Variants in NRCAM observed in about 807,000 individuals in gnomAD.
The protein encoded by NRCAM is NgCAM-related cell adhesion molecule.
NRCAM carries 83 observed loss-of-function variants against 156.5 expected under a neutral mutation model. That is an observed-to-expected ratio of 0.53 (90% CI 0.44 to 0.64). NRCAM has a LOEUF of 0.64. NRCAM is among the 30% of genes least tolerant of loss of function. NRCAM has a pLI of 0.00. For missense variants in NRCAM, 1,417 were observed against 1,597.3 expected (o/e 0.89, Z 1.92); for synonymous variants, 538 against 563.9 (o/e 0.95, Z 0.65).
At chr7:108,438,718 G>A (rs374415080) in intron 1 of NRCAM, among the ~76,000 whole-genome samples, 1 of 152,074 alleles carries the variant, frequency 6.6e-6, no homozygotes, top group Non-Finnish European at 1.5e-5. Flanking sequence ...TCTTTATTCA[G>A]AGATGACACA....
chr7:108,225,367 C>T (rs544349191), intron 10 of NRCAM, among the ~76,000 whole-genome samples: 2 of 152,244 alleles, frequency 1.3e-5, no homozygotes, highest in East Asian at 3.9e-4. Context: ...TAATTCTGAA[C>T]GTACGTGAAA....
chr7:108,347,931 C>T (rs930031650), intron 2 of NRCAM, among the ~76,000 whole-genome samples: 4 of 152,130 alleles, frequency 2.6e-5, no homozygotes, highest in African/African-American at 9.7e-5. Flanking sequence ...CTCCTCTCCA[C>T]CCCCATACTC....
intron 11 of NRCAM, among the ~76,000 whole-genome samples, chr7:108,214,595 T>C (rs2086800402): frequency 6.6e-6 from 1 of 152,212 alleles, no homozygotes; most frequent in Admixed American, 6.5e-5. Flanking sequence ...TTCATGTCTC[T>C]ATCGCCTTTA....
chr7:108,150,656 T>C (rs2040873107), intron 32 of NRCAM: 2 of 509,070 alleles, frequency 3.9e-6, no homozygotes, highest in African/African-American at 4.0e-5. Flanking sequence ...CAAATAATTT[T>C]GTTATCAATG....
intron 3 of NRCAM, among the ~76,000 whole-genome samples, chr7:108,301,624 C>G (rs1228332083): frequency 6.6e-6 from 1 of 152,104 alleles, no homozygotes; most frequent in Admixed American, 6.5e-5. Context: ...TTTGCTTATC[C>G]TATGGACATG....
At chr7:108,288,570 C>T (rs578097769) in intron 3 of NRCAM, among the ~76,000 whole-genome samples, 37 of 152,192 alleles carry the variant, frequency 2.4e-4, no homozygotes, top group African/African-American at 7.2e-4. Context: ...TCAATTCATA[C>T]GTTATTGCAT....
At chr7:108,296,111 C>T (rs1240666392) in intron 3 of NRCAM, among the ~76,000 whole-genome samples, 1 of 152,234 alleles carries the variant, frequency 6.6e-6, no homozygotes, top group African/African-American at 2.4e-5. Flanking sequence ...CTTTCACACA[C>T]TCCACAGTCT....
At chr7:108,372,025 G>A (rs1400906724) in intron 2 of NRCAM, among the ~76,000 whole-genome samples, 2 of 152,130 alleles carry the variant, frequency 1.3e-5, no homozygotes, top group Admixed American at 1.3e-4. Flanking sequence ...AATACATATA[G>A]GCCAATAGAA....
intron 2 of NRCAM, among the ~76,000 whole-genome samples, chr7:108,315,788 C>G (rs1272573830): frequency 6.6e-6 from 1 of 152,192 alleles, no homozygotes; most frequent in Non-Finnish European, 1.5e-5. Context: ...CAATGTGGAT[C>G]ATGCTTTACC....
chr7:108,429,992 G>T (rs1822863898), intron 1 of NRCAM, among the ~76,000 whole-genome samples: 1 of 152,166 alleles, frequency 6.6e-6, no homozygotes, highest in Non-Finnish European at 1.5e-5. Context: ...GGGAAAGAAG[G>T]TTCCAGACAC....
At chr7:108,190,226 A>G (rs1333582785) in intron 19 of NRCAM, among the ~76,000 whole-genome samples, 2 of 152,242 alleles carry the variant, frequency 1.3e-5, no homozygotes, top group African/African-American at 4.8e-5. Flanking sequence ...AAGAATATTT[A>G]TATTTGCGAA....
chr7:108,250,425 CAAAAA>C (rs34274206), intron 3 of NRCAM, among the ~76,000 whole-genome samples: 6 of 67,402 alleles, frequency 8.9e-5, no homozygotes, highest in Admixed American at 2.2e-4. Context: ...CATCTTACCT[CAAAAA>C]AAAAAAAAAA....
At chr7:108,271,693 C>CAA (rs200366639) in intron 3 of NRCAM, among the ~76,000 whole-genome samples, 8 of 126,454 alleles carry the variant, frequency 6.3e-5, no homozygotes, top group East Asian at 2.2e-4. Flanking sequence ...GACTCCACGT[C>CAA]AAAAAAAAAA....
At chr7:108,157,927 C>A (rs2046543710) in intron 32 of NRCAM, among the ~76,000 whole-genome samples, 1 of 152,004 alleles carries the variant, frequency 6.6e-6, no homozygotes, top group Non-Finnish European at 1.5e-5. Context: ...AAAGATTTTG[C>A]TTCATCACAA....
chr7:108,203,909 A>T (rs188389948), intron 13 of NRCAM, among the ~76,000 whole-genome samples: 165 of 152,318 alleles, frequency 1.1e-3, no homozygotes, highest in African/African-American at 3.8e-3. Flanking sequence ...CTAGGACCCC[A>T]TGATGAAGGC....
At chr7:108,201,493 A>G (rs1233345029) in intron 13 of NRCAM, among the ~76,000 whole-genome samples, 5 of 152,226 alleles carry the variant, frequency 3.3e-5, no homozygotes. Context: ...AGTTCTGAAG[A>G]TCTGTTGCAC....
Position 108,395,091 on chromosome 7 carries a change from C to T in NRCAM, c.-174+4345G>A, listed in dbSNP as rs114315851. Reference sequence around the variant, plus strand: ...TTAGGGCATGAATTAGAAATAAATCCCCAAGGGAAAATGAATTCAGCTTAT... The same window carrying T: ...TTAGGGCATGAATTAGAAATAAATCTCCAAGGGAAAATGAATTCAGCTTAT... On this transcript the variant is annotated intron_variant, in intron 2 of 32. Transcript: ENST00000379028. Among the ~76,000 whole-genome samples, 239 of 152,078 alleles carry T rather than the reference C, an allele frequency of 1.6e-3. 1 individual carries two copies. The highest frequency in any genetic ancestry group is 3.6e-3 in the African/African-American group (149 of 41,482).
At chr7:108,155,125 CACACACACACACACACACAT>C (rs1563168559) in intron 32 of NRCAM, among the ~76,000 whole-genome samples, 35 of 147,692 alleles carry the variant, frequency 2.4e-4, no homozygotes, top group African/African-American at 8.7e-4. Flanking sequence ...CACACACACA[CACACACACACACACACACAT>C]ATAGCAGACC....
chr7:108,339,499 T>C (rs1664767764), intron 2 of NRCAM, among the ~76,000 whole-genome samples: 1 of 152,156 alleles, frequency 6.6e-6, no homozygotes, highest in Non-Finnish European at 1.5e-5. Context: ...TGGGTTGTCA[T>C]GAAATACTCA....
Sources: allele counts gnomAD v4.1 joint callset (sites outside exome capture counted in the v4.1 genomes callset), GRCh38; gene constraint gnomAD v4.1.1; transcripts MANE v1.5; gene names NCBI Gene and HGNC (gene_info 2026-07-23, HGNC 2026-07-21).